The following CDH12 variants were observed in gnomAD, a reference collection of about 807,000 sequenced individuals.
CDH12 encodes cadherin 12.
In CDH12, 41 loss-of-function variants were observed where a neutral mutation model predicts 74.1. The observed-to-expected ratio is 0.55, with a 90% CI of 0.43 to 0.72. CDH12 has a LOEUF of 0.72. CDH12 is among the 30% of genes least tolerant of loss of function. The pLI is 0.00. For synonymous variants in CDH12, 399 were observed against 355.0 expected (o/e 1.12, Z -1.39); for missense variants, 945 against 977.2 (o/e 0.97, Z 0.44).
At chr5:22,574,949 C>T (rs1286121974) in intron 1 of CDH12, among the ~76,000 whole-genome samples, 3 of 152,086 alleles carry the variant, frequency 2.0e-5, no homozygotes, top group Admixed American at 6.5e-5. Context: ...GAAAAGCACT[C>T]AATGCAGACT....
At chr5:22,313,512 G>A (rs141174019) in intron 3 of CDH12, among the ~76,000 whole-genome samples, 1,648 of 152,238 alleles carry the variant, frequency 0.011, 35 homozygotes, top group African/African-American at 0.037. Context: ...TGTTCTAAAA[G>A]TCTCATTTCT....
chr5:22,258,450 C>T (rs1006058170), intron 3 of CDH12, among the ~76,000 whole-genome samples: 1 of 151,980 alleles, frequency 6.6e-6, no homozygotes, highest in Non-Finnish European at 1.5e-5. Context: ...CTCCCCACCA[C>T]CAACCTCTTA....
chr5:21,757,447 C>T (rs1269530173), intron 13 of CDH12, among the ~76,000 whole-genome samples: 1 of 152,066 alleles, frequency 6.6e-6, no homozygotes, highest in African/African-American at 2.4e-5. Context: ...AAGTGAGCCA[C>T]CGCACCCAGC....
intron 3 of CDH12, among the ~76,000 whole-genome samples, chr5:22,275,741 C>T (rs1229930962): frequency 6.6e-6 from 1 of 152,130 alleles, no homozygotes; most frequent in Admixed American, 6.5e-5. Context: ...CAATGTGTGA[C>T]TTCCATCAAA....
chr5:22,680,395 G>GTAT (rs1335680555), intron 1 of CDH12, among the ~76,000 whole-genome samples: 1 of 151,900 alleles, frequency 6.6e-6, no homozygotes, highest in Non-Finnish European at 1.5e-5. Flanking sequence ...TTGATCTTTT[G>GTAT]TATTATTATT....
At chr5:22,180,427 G>T (rs1749570259) in intron 4 of CDH12, among the ~76,000 whole-genome samples, 1 of 150,744 alleles carries the variant, frequency 6.6e-6, no homozygotes, top group Non-Finnish European at 1.5e-5. Flanking sequence ...ATCTATTTTT[G>T]TCTGTAAGAC....
At chr5:21,799,679 G>A (rs574714961) in intron 10 of CDH12, among the ~76,000 whole-genome samples, 1 of 152,264 alleles carries the variant, frequency 6.6e-6, no homozygotes, top group East Asian at 1.9e-4. Flanking sequence ...TCAGCTATGA[G>A]CATTCATAAT....
chr5:22,704,746 A>G (rs1434598643), intron 1 of CDH12, among the ~76,000 whole-genome samples: 4 of 152,058 alleles, frequency 2.6e-5, no homozygotes, highest in Non-Finnish European at 5.9e-5. Flanking sequence ...TATAAACCTC[A>G]ATTTTTTAGG....
chr5:22,594,110 T>C (rs2126803330), intron 1 of CDH12, among the ~76,000 whole-genome samples: 1 of 152,238 alleles, frequency 6.6e-6, no homozygotes, highest in East Asian at 1.9e-4. Context: ...AAAAGGAAAA[T>C]GCTTGACAAG....
chr5:22,204,162 G>GTTTTT (rs113456439), intron 4 of CDH12, among the ~76,000 whole-genome samples: 10 of 129,842 alleles, frequency 7.7e-5, no homozygotes, highest in Non-Finnish European at 1.5e-4. Context: ...TGTTTTGTTT[G>GTTTTT]TTTTTTTTTT....
At chr5:21,805,069 AG>A (rs1257985188) in intron 9 of CDH12, among the ~76,000 whole-genome samples, 1 of 152,130 alleles carries the variant, frequency 6.6e-6, no homozygotes, top group African/African-American at 2.4e-5. Context: ...TTATCACCTT[AG>A]GGTTCCTTTT....
intron 5 of CDH12, among the ~76,000 whole-genome samples, chr5:22,067,622 G>A (rs1463981830): frequency 6.6e-6 from 1 of 152,160 alleles, no homozygotes; most frequent in African/African-American, 2.4e-5. Context: ...AGTAGTGTCA[G>A]TAATAGATAG....
Position 22,000,052 on chromosome 5 carries a change from T to C in CDH12, c.232-24667A>G, listed in dbSNP as rs566952165. On this transcript the variant is annotated intron_variant, in intron 5 of 14. Coordinates refer to ENST00000382254, the MANE Select transcript of CDH12 (RefSeq NM_004061.5). ...ATGGTTGTTTGAGCCGATCTGCTCA[T>C]TTGCTGTTATTAATGAAGTTCAGTC... Among the ~76,000 whole-genome samples, 180 of 152,200 alleles carry C rather than the reference T, an allele frequency of 1.2e-3. 1 individual carries two copies. Among genetic ancestry groups the C allele is most frequent in the African/African-American group, 4.1e-3 (169 of 41,556 alleles).
At chr5:22,051,888 A>T (rs1274394448) in intron 5 of CDH12, among the ~76,000 whole-genome samples, 5 of 152,190 alleles carry the variant, frequency 3.3e-5, no homozygotes, top group Admixed American at 3.3e-4. Flanking sequence ...GGGGAAGCAC[A>T]TAGATGATTT....
chr5:22,481,053 G>C (rs1746366384), intron 2 of CDH12, among the ~76,000 whole-genome samples: 1 of 152,088 alleles, frequency 6.6e-6, no homozygotes, highest in South Asian at 2.1e-4. Context: ...TTTTCAGATA[G>C]TATTACCTGT....
intron 3 of CDH12, among the ~76,000 whole-genome samples, chr5:22,268,898 A>G (rs1736255864): frequency 6.6e-6 from 1 of 152,108 alleles, no homozygotes; most frequent in Admixed American, 6.6e-5. Flanking sequence ...TAAAAGTTCT[A>G]TGAGGAGTGA....
intron 12 of CDH12, 86 bp downstream of exon 12, chr5:21,764,892 G>T: frequency 8.2e-7 from 1 of 1,212,902 alleles, no homozygotes; most frequent in Non-Finnish European, 1.2e-6. Context: ...ACAAATATAT[G>T]TGTGCATATT....
At chr5:22,076,268 T>C (rs1417641923) in intron 5 of CDH12, among the ~76,000 whole-genome samples, 1 of 152,132 alleles carries the variant, frequency 6.6e-6, no homozygotes, top group Non-Finnish European at 1.5e-5. Context: ...GGATGAATTA[T>C]ACACTGTTAC....
intron 2 of CDH12, among the ~76,000 whole-genome samples, chr5:22,433,866 A>G (rs1207710741): frequency 2.0e-5 from 3 of 152,200 alleles, no homozygotes; most frequent in East Asian, 3.8e-4. Context: ...TAGCATGAGG[A>G]TTAAAACACA....
Sources: allele counts gnomAD v4.1 joint callset (sites outside exome capture counted in the v4.1 genomes callset), GRCh38; gene constraint gnomAD v4.1.1; transcripts MANE v1.5; gene names NCBI Gene and HGNC (gene_info 2026-07-23, HGNC 2026-07-21).